The following SP3 variants were observed in gnomAD, a reference collection of about 807,000 sequenced individuals.
SP3 encodes transcription factor Sp3.
A neutral mutation model predicts 70.3 loss-of-function variants in SP3; 10 were observed. The observed-to-expected ratio is 0.14, with a 90% confidence interval of 0.09 to 0.24. SP3 has a LOEUF of 0.24. SP3 is among the 10% of genes least tolerant of loss of function. The pLI is 1.00. For synonymous variants in SP3, 402 were observed against 333.5 expected (o/e 1.21, Z -2.24); for missense variants, 825 against 914.6 (o/e 0.90, Z 1.26).
rs965081213 is a variant in SP3 at position 173,901,740 on chromosome 2, C to T, written c.*8201G>A. ...TTTTTGAGACGAAATCTTGCTCTGTCGCCCAGGCTGGAGTGCAGTGGTGCA... is the reference window on the plus strand; with the variant it reads ...TTTTTGAGACGAAATCTTGCTCTGTTGCCCAGGCTGGAGTGCAGTGGTGCA... On this transcript the variant is annotated 3_prime_UTR_variant, in exon 7 of 7. Transcript: ENST00000310015. Among the ~76,000 whole-genome samples the T allele has an allele frequency of 3.9e-5, 5 of 129,280 alleles. No individual in the cohort carries two copies. Among genetic ancestry groups the T allele is most frequent in the Admixed American group, 1.9e-4 (2 of 10,574 alleles). 84.8% of individuals were successfully genotyped at this position (129,280 alleles called of 152,430 possible). A position where few individuals can be genotyped will look rare whatever the true frequency, so the allele number is the denominator to read the frequency against.
intron 4 of SP3, among the ~76,000 whole-genome samples, chr2:173,950,152 G>T (rs1203482968): frequency 1.3e-5 from 2 of 151,942 alleles, no homozygotes; most frequent in African/African-American, 2.4e-5. Flanking sequence ...CCAGGAAGAT[G>T]GAGATTTGCC....
At chr2:173,943,986 A>T (rs892711700) in intron 4 of SP3, among the ~76,000 whole-genome samples, 1 of 152,198 alleles carries the variant, frequency 6.6e-6, no homozygotes, top group African/African-American at 2.4e-5. Context: ...TGTAAACATG[A>T]TGGTATGTAT....
At chr2:173,945,536 A>G (rs897895357) in intron 4 of SP3, among the ~76,000 whole-genome samples, 2 of 152,222 alleles carry the variant, frequency 1.3e-5, no homozygotes, top group African/African-American at 4.8e-5. Flanking sequence ...ACAGTATACA[A>G]GAAGTATGCT....
intron 4 of SP3, among the ~76,000 whole-genome samples, chr2:173,935,950 C>T (rs6433453): frequency 0.67 from 101,792 of 152,072 alleles, 34,604 homozygotes; most frequent in African/African-American, 0.78. Context: ...AAAATTCATA[C>T]TTTGAAATGT....
intron 1 of SP3, chr2:173,964,958 G>A (rs760690796): frequency 2.8e-4 from 173 of 617,354 alleles, no homozygotes; most frequent in Non-Finnish European, 4.0e-4. Context: ...GGGGCCTGGC[G>A]GGGAGACGGC....
intron 4 of SP3, among the ~76,000 whole-genome samples, chr2:173,944,637 C>T (rs73028261): frequency 0.038 from 5,806 of 152,308 alleles, 174 homozygotes; most frequent in Admixed American, 0.1. Context: ...TACGGCATTA[C>T]TGAAAAATAT....
rs1385529860 is a variant in SP3, at chr2:173,954,956, G to C, written c.1556C>G (p.Pro519Arg). The C allele has an allele frequency of 6.2e-7, 1 of 1,614,004 alleles. No individual in the cohort carries two copies. The highest frequency in any genetic ancestry group is 1.7e-5 in the Admixed American group (1 of 59,996). Residue 519 changes from proline (P) to arginine (R), a missense_variant, in exon 4 of 7, where the codon CCA (proline) becomes CGA (arginine). Transcript: ENST00000310015. ...GTTCACTGTAACTGTTTGTAGATTT[G>C]GCAACTGACCAGTGCTTAGACTAAC... Reference protein sequence around the residue: ...TPVSLSTGQLPNLQTVTVNSI... With the variant: ...TPVSLSTGQLRNLQTVTVNSI...
At position 173,904,979 on chromosome 2, in the gene SP3, G is replaced by T. The variant is rs770702138; in HGVS notation, c.*4962C>A. Among the ~76,000 whole-genome samples the T allele has an allele frequency of 3.3e-5, 5 of 152,160 alleles. No individual in the cohort carries two copies. Among genetic ancestry groups the T allele is most frequent in the African/African-American group, 4.8e-5 (2 of 41,434 alleles). On this transcript the variant is annotated 3_prime_UTR_variant, in exon 7 of 7. Coordinates refer to ENST00000310015, the MANE Select transcript of SP3 (RefSeq NM_003111.5). ...CTGAAGATTCTTCGGCTGGTTTTTA[G>T]AAATGTTCAAATAGGATAGACTCTT...
intron 4 of SP3, among the ~76,000 whole-genome samples, chr2:173,931,317 T>A (rs922855038): frequency 6.7e-6 from 1 of 149,590 alleles, no homozygotes; most frequent in African/African-American, 2.5e-5. Flanking sequence ...TCACTTGAGG[T>A]CAGGAGTTCG....
chr2:173,950,912 AACTTTT>A (rs1353839441), intron 4 of SP3, among the ~76,000 whole-genome samples: 2 of 152,166 alleles, frequency 1.3e-5, no homozygotes, highest in Non-Finnish European at 2.9e-5. Flanking sequence ...CACTTGCTTT[AACTTTT>A]ACTTTCTCAA....
chr2:173,912,979 A>G, intron 6 of SP3, 91 bp downstream of exon 6: 1 of 890,184 alleles, frequency 1.1e-6, no homozygotes. Flanking sequence ...AAATCGATTC[A>G]GTTCAGTAAG....
rs990342409 is a variant in SP3, at chr2:173,965,152, C to G, written c.7+13G>C. The G allele has an allele frequency of 5.2e-6, 8 of 1,547,084 alleles. No homozygotes were observed. The African/African-American group carries it at 9.7e-5, about 19-fold the overall frequency. On this transcript the variant is annotated intron_variant, in intron 1 of 6. Transcript: ENST00000310015. ...GCGGCAGCAGCAAGGGTTGCTCTCT[C>G]GGCTTTACGTACCGGTCATAGTGTG...
chr2:173,957,046 A>T (rs944503679), intron 3 of SP3, among the ~76,000 whole-genome samples: 1 of 152,220 alleles, frequency 6.6e-6, no homozygotes, highest in African/African-American at 2.4e-5. Flanking sequence ...GTTGAGACAT[A>T]CACAGTTCTC....
intron 3 of SP3, chr2:173,963,110 A>C (rs972150595): frequency 6.6e-6 from 1 of 152,172 alleles, no homozygotes; most frequent in Non-Finnish European, 1.5e-5. Context: ...TTCAAAATCT[A>C]AAGTACTATC....
chr2:173,929,496 A>G (rs185087876), intron 4 of SP3, among the ~76,000 whole-genome samples: 1 of 152,280 alleles, frequency 6.6e-6, no homozygotes, highest in African/African-American at 2.4e-5. Flanking sequence ...ACTTCCCTTC[A>G]CACACACAAT....
At chr2:173,933,977 A>G (rs1690145641) in intron 4 of SP3, among the ~76,000 whole-genome samples, 1 of 32,236 alleles carries the variant, frequency 3.1e-5, no homozygotes, top group African/African-American at 2.0e-4. Context: ...GTACATCTGT[A>G]GTCCCAGTTA....
chr2:173,903,690 G>A lies in SP3; in HGVS notation c.*6251C>T, dbSNP rs1689233637. On this transcript the variant is annotated 3_prime_UTR_variant, in exon 7 of 7. Transcript: ENST00000310015. The stretch of plus-strand genomic sequence containing the variant: ...ATAGAAACACAGGCTAATGCTGGCA[G>A]AAAGTCAGTATTCCACAAGACCAAC... Among the ~76,000 whole-genome samples, 1 of 152,184 alleles carries A rather than the reference G, an allele frequency of 6.6e-6. No individual in the cohort carries two copies. The highest frequency in any genetic ancestry group is 1.5e-5 in the Non-Finnish European group (1 of 68,040).
chr2:173,964,468 G>A lies in SP3; in HGVS notation c.93C>T (p.Gly31=). The change falls in exon 2 of 7, where the codon GGC becomes GGT. Residue 31 remains glycine, a synonymous_variant. Coordinates refer to ENST00000310015, the MANE Select transcript of SP3 (RefSeq NM_003111.5). ...GGGGGGGGGH[G]EYLQQQQQHG... ...GCTGTTGCTGCTGCTGCAGATACTC[G>A]CCGTGGCCGCCGCCGCCGCCACCGC... The A allele has an allele frequency of 1.4e-6, 1 of 710,030 alleles. No homozygotes were observed. The highest frequency in any genetic ancestry group is 1.5e-5 in the South Asian group (1 of 67,418). The allele number at this position is 710,030 out of a possible 1,614,324, so 44.0% of individuals were successfully genotyped here. A position where few individuals can be genotyped will look rare whatever the true frequency, so the allele number is the denominator to read the frequency against.
intron 6 of SP3, among the ~76,000 whole-genome samples, chr2:173,910,614 A>G (rs1374801529): frequency 5.3e-5 from 8 of 152,236 alleles, no homozygotes. Flanking sequence ...AGTCTAAATA[A>G]AAGTATATTC....
Sources: gnomAD v4.1 joint callset for allele counts (sites outside exome capture counted in the v4.1 genomes callset) on GRCh38, gnomAD v4.1.1 for gene constraint, MANE v1.5 for transcripts, NCBI Gene and HGNC (gene_info 2026-07-23, HGNC 2026-07-21) for gene names.